Variants in DNAH17 observed in about 807,000 individuals in gnomAD.
DNAH17 encodes axonemal beta dynein heavy chain 17.
In DNAH17, 376 loss-of-function variants were observed where a neutral mutation model predicts 485.6. That is an observed-to-expected ratio of 0.77 (90% CI 0.71 to 0.84). The LOEUF is 0.84. Among genes scored for constraint, DNAH17 ranks in the 40% least tolerant of loss-of-function variants. The probability of loss-of-function intolerance (pLI) is 0.00; values close to 1 mark genes in which losing one functional copy is unlikely to be tolerated. For synonymous variants in DNAH17, 3,031 were observed against 2,405.9 expected, an observed-to-expected ratio of 1.26 and a Z score of -7.60; for missense variants, 6,370 against 5,839.3, an observed-to-expected ratio of 1.09 and a Z score of -2.96.
intron 9 of DNAH17, among the ~76,000 whole-genome samples, chr17:78,568,085 C>T (rs991854323): frequency 5.9e-5 from 9 of 152,192 alleles, no homozygotes; most frequent in South Asian, 2.1e-4. Context: ...TTCCACCCGA[C>T]GCGGAGGACA....
At chr17:78,523,216 C>G (rs757411156) in intron 25 of DNAH17, among the ~76,000 whole-genome samples, 85 of 151,896 alleles carry the variant, frequency 5.6e-4, no homozygotes, top group Non-Finnish European at 1.0e-3. Flanking sequence ...AGTGTGATGG[C>G]GAGATCTTGG....
At chr17:78,539,669 A>G in intron 18 of DNAH17, 68 bp downstream of exon 18, 2 of 1,320,724 alleles carry the variant, frequency 1.5e-6, no homozygotes, top group South Asian at 3.4e-5. Context: ...TCAAGAAACT[A>G]GAAACTATAG....
rs1280821194 is a variant in DNAH17, at chr17:78,501,519, C to T, written c.5323-175G>A. On this transcript the variant is annotated intron_variant, in intron 34 of 80. Coordinates refer to ENST00000389840, the MANE Select transcript of DNAH17 (RefSeq NM_173628.4). ...TATGGCCACCCTCAGTGGAATCTCG[C>T]TACAGAATGGCACTTCCAATGGGCG... The T allele has an allele frequency of 3.0e-6, 3 of 995,002 alleles. No homozygotes were observed. The East Asian group carries it at 7.9e-5, about 26-fold the overall frequency. The allele number at this position is 995,002 out of a possible 1,614,324, so 61.6% of individuals were successfully genotyped here. A position where few individuals can be genotyped will look rare whatever the true frequency, so the allele number is the denominator to read the frequency against.
At chr17:78,470,215 GTGCCACCATGCTCAGC>G (rs1225088754) in intron 54 of DNAH17, among the ~76,000 whole-genome samples, 1 of 150,740 alleles carries the variant, frequency 6.6e-6, no homozygotes, top group Non-Finnish European at 1.5e-5. Context: ...TTACAGGCAT[GTGCCACCATGCTCAGC>G]TAATTTTTGT....
At chr17:78,513,560 C>G (rs886424460) in intron 26 of DNAH17, among the ~76,000 whole-genome samples, 6 of 152,136 alleles carry the variant, frequency 3.9e-5, no homozygotes, top group Admixed American at 3.9e-4. Context: ...CTCAGCCACG[C>G]AAGTAGCTGG....
chr17:78,545,543 T>C (rs2091737178), intron 16 of DNAH17, among the ~76,000 whole-genome samples: 1 of 152,136 alleles, frequency 6.6e-6, no homozygotes, highest in African/African-American at 2.4e-5. Flanking sequence ...CTCATGTCTG[T>C]TGCTATAAGG....
chr17:78,535,012 G>C (rs138116593), intron 19 of DNAH17, among the ~76,000 whole-genome samples: 2 of 152,276 alleles, frequency 1.3e-5, no homozygotes, highest in East Asian at 3.9e-4. Context: ...CTTGGCACCA[G>C]GTAAGACTCT....
At chr17:78,567,223 G>C (rs2092282284) in intron 9 of DNAH17, 57 bp from the exon 10 acceptor site, 1 of 1,541,926 alleles carries the variant, frequency 6.5e-7, no homozygotes, top group Admixed American at 2.0e-5. Flanking sequence ...CACGGGTCCA[G>C]TTACAAAACT....
intron 14 of DNAH17, among the ~76,000 whole-genome samples, chr17:78,556,244 C>T (rs1169568137): frequency 2.6e-5 from 4 of 152,140 alleles, no homozygotes; most frequent in Non-Finnish European, 5.9e-5. Flanking sequence ...TCCATCCTCC[C>T]ATCTGTCTAT....
intron 35 of DNAH17, 124 bp downstream of exon 35, chr17:78,501,060 C>G: frequency 8.7e-7 from 1 of 1,155,002 alleles, no homozygotes; most frequent in Non-Finnish European, 1.2e-6. Context: ...GAACACAGGT[C>G]CACCTGACGC....
chr17:78,569,431 T>G lies in DNAH17; in HGVS notation c.1141A>C (p.Lys381Gln), dbSNP rs374462116. Reference sequence around the variant, plus strand: ...AAGTCGTACGTCTGGTAGAGCTCCTTCAGCACATTTACAGCCAGGGAGATG... The same window carrying G: ...AAGTCGTACGTCTGGTAGAGCTCCTGCAGCACATTTACAGCCAGGGAGATG... ...SGISLAVNVL[K>Q]ELYQTYDFCC... Residue 381 changes from lysine (K) to glutamine (Q), a missense_variant, in exon 8 of 81, where the codon AAG becomes CAG. Lys to Gln is a moderately conservative substitution (Grantham distance 53). Transcript: ENST00000389840. 8 of 1,612,590 alleles carry G rather than the reference T, an allele frequency of 5.0e-6. No homozygotes were observed. In the African/African-American group the frequency reaches 1.1e-4, roughly 22 times the overall value.
chr17:78,485,374 C>T (rs2089554112), intron 47 of DNAH17, among the ~76,000 whole-genome samples, 176 bp downstream of exon 47: 2 of 152,098 alleles, frequency 1.3e-5, no homozygotes, highest in Admixed American at 6.5e-5. Context: ...AGAGGGGTCC[C>T]GGCTGCTCCT....
At position 78,543,869 on chromosome 17, in the gene DNAH17, T is replaced by C. The variant is rs2091675295; in HGVS notation, c.2520A>G (p.Gln840=). 2 of 1,614,056 alleles carry C rather than the reference T, an allele frequency of 1.2e-6. No homozygotes were observed. The highest frequency in any genetic ancestry group is 1.7e-5 in the Admixed American group (1 of 60,030). ...AAVRDAGVKI[Q]AMVAENAELF... ...GGTGTTTCCTTACTGCAACCATGGC[T>C]TGGATCTTCACTCCAGCATCCCTGA... Residue 840 remains glutamine, a synonymous_variant, in exon 17 of 81, where the codon CAA becomes CAG. Transcript: ENST00000389840.
intron 16 of DNAH17, among the ~76,000 whole-genome samples, chr17:78,547,617 A>ATT (rs58852980): frequency 7.4e-6 from 1 of 134,620 alleles, no homozygotes; most frequent in Non-Finnish European, 1.6e-5. Flanking sequence ...GTTCATTACT[A>ATT]TTTTTTTTTT....
Position 78,503,169 on chromosome 17 carries a change from CTTTTTTTTTTTT to C in DNAH17, c.4957-170_4957-159del, listed in dbSNP as rs397856727. On this transcript the variant is annotated intron_variant, in intron 31 of 80. Coordinates refer to ENST00000389840, the MANE Select transcript of DNAH17 (RefSeq NM_173628.4). Reference sequence around the variant, plus strand: ...TTACAGAGCAGTAACAGTGACACACCTTTTTTTTTTTTTTTTTTTTTTTTTTTTAAGATGGAG... The same window carrying C: ...TTACAGAGCAGTAACAGTGACACACCTTTTTTTTTTTTTTTTAAGATGGAG... The C allele has an allele frequency of 4.0e-4, 51 of 127,618 alleles. 1 individual carries two copies. Among genetic ancestry groups the C allele is most frequent in the South Asian group, 1.2e-3 (14 of 11,726 alleles). 7.9% of individuals were successfully genotyped at this position (127,618 alleles called of 1,614,324 possible).
At chr17:78,552,855 A>G (rs1157644459) in intron 14 of DNAH17, 50 bp from the exon 15 acceptor site, 10 of 1,332,274 alleles carry the variant, frequency 7.5e-6, no homozygotes, top group African/African-American at 2.9e-5. Flanking sequence ...CAGATTTTAA[A>G]TTGTTCTCTG....
In DNAH17 at chr17:78,475,981, C is replaced by G. The variant is rs942636774; in HGVS notation, c.8155-148G>C. On this transcript the variant is annotated intron_variant, in intron 52 of 80. Coordinates refer to ENST00000389840, the MANE Select transcript of DNAH17 (RefSeq NM_173628.4). ...GTCTCCAGGGGCCCAAACCTGCTGC[C>G]GTGGGCCCAGCAAACCACTGGGGCA... 1.7e-5 allele frequency: 15 copies of G among 871,366 alleles called. No individual in the cohort carries two copies. In the African/African-American group the frequency reaches 2.4e-4, roughly 14 times the overall value. 54.0% of individuals were successfully genotyped at this position (871,366 alleles called of 1,614,324 possible). A position where few individuals can be genotyped will look rare whatever the true frequency, so the allele number is the denominator to read the frequency against.
At position 78,569,268 on chromosome 17, in the gene DNAH17, G is replaced by A. The variant is rs759103891; in HGVS notation, c.1198-16C>T. Reference sequence around the variant, plus strand: ...GCTCTTTGTCCTTAGAGGAGAGAAAGAGAGATGAGGCCACGTTTGCTTCAA... The same window carrying A: ...GCTCTTTGTCCTTAGAGGAGAGAAAAAGAGATGAGGCCACGTTTGCTTCAA... On this transcript the variant is annotated splice_polypyrimidine_tract_variant and intron_variant, in intron 8 of 80. Coordinates refer to ENST00000389840, the MANE Select transcript of DNAH17 (RefSeq NM_173628.4). The A allele has an allele frequency of 5.6e-6, 9 of 1,599,142 alleles. No individual in the cohort carries two copies. The highest frequency in any genetic ancestry group is 7.7e-6 in the Non-Finnish European group (9 of 1,172,794).
At chr17:78,527,532 C>A (rs1028890253) in intron 22 of DNAH17, among the ~76,000 whole-genome samples, 11 of 150,934 alleles carry the variant, frequency 7.3e-5, no homozygotes, top group Admixed American at 4.6e-4. Flanking sequence ...TGGGTGTGGT[C>A]TCCCATGCAA....
Sources: gnomAD v4.1 joint callset for allele counts (sites outside exome capture counted in the v4.1 genomes callset) on GRCh38, gnomAD v4.1.1 for gene constraint, MANE v1.5 for transcripts, NCBI Gene and HGNC (gene_info 2026-07-23, HGNC 2026-07-21) for gene names.